SPDYE4: variants seen among roughly 807,000 people sequenced by gnomAD.
SPDYE4 encodes speedy protein E4.
A neutral mutation model predicts 37.5 loss-of-function variants in SPDYE4; 30 were observed. The observed-to-expected ratio is 0.80, with a 90% CI of 0.60 to 1.09. The LOEUF (loss-of-function observed/expected upper bound fraction) is 1.09, where lower values mean the gene tolerates loss of function less well. Among genes scored for constraint, SPDYE4 ranks in the 50% least tolerant of loss-of-function variants. SPDYE4 has a pLI of 0.00. For synonymous variants in SPDYE4, 131 were observed against 120.3 expected (o/e 1.09, Z -0.58); for missense variants, 300 against 307.9 (o/e 0.97, Z 0.19).
chr17:8,752,314 A>G (rs575444520), intron 6 of SPDYE4, among the ~76,000 whole-genome samples, 77 bp from the exon 7 acceptor site: 2 of 152,292 alleles, frequency 1.3e-5, no homozygotes, highest in East Asian at 3.9e-4. Flanking sequence ...TCCCACATCA[A>G]TCCTAACTAG....
In SPDYE4 at chr17:8,753,604, G is replaced by A. The variant is rs151292250; in HGVS notation, c.486-115C>T. The A allele has an allele frequency of 1.8e-4, 224 of 1,252,630 alleles. 3 individuals are homozygous for A. In the East Asian group the frequency reaches 4.7e-3, roughly 26 times the overall value. 77.6% of individuals were successfully genotyped at this position (1,252,630 alleles called of 1,614,324 possible). On this transcript the variant is annotated intron_variant, in intron 4 of 6. Coordinates refer to ENST00000689094, the MANE Select transcript of SPDYE4 (RefSeq NM_001394956.1). ...CTTCCTCAGCTCAGCACCAACAGCC[G>A]CCCTGCAGAGAGCCCTGCCTTCCTC...
In SPDYE4 at chr17:8,758,538, T is replaced by C; in HGVS notation, c.-156A>G. ...AAGAGTAGTTCTGAGAAGTTGCTGT[T>C]GTCCACCTGAACTCCCAAGCAACCA... On this transcript the variant is annotated 5_prime_UTR_variant, in exon 1 of 7. Coordinates refer to ENST00000689094, the MANE Select transcript of SPDYE4 (RefSeq NM_001394956.1). 1 of 666,578 alleles carries C rather than the reference T, an allele frequency of 1.5e-6. No homozygotes were observed. The allele number at this position is 666,578 out of a possible 1,614,324, so 41.3% of individuals were successfully genotyped here. A position where few individuals can be genotyped will look rare whatever the true frequency, so the allele number is the denominator to read the frequency against.
chr17:8,756,461 G>T (rs1189787473), intron 2 of SPDYE4, 25 bp from the exon 3 acceptor site: 10 of 1,611,834 alleles, frequency 6.2e-6, no homozygotes, highest in Non-Finnish European at 6.8e-6. Flanking sequence ...CCTGTGTCAG[G>T]GTGAGAAGTG....
chr17:8,751,141 C>T lies in SPDYE4; in HGVS notation c.*1141G>A, dbSNP rs760939694. ...AACTACTCTAGGTCATAACAGTGCTCCCTTCAGCAGCACATGTAATAACAG... is the reference window on the plus strand; with the variant it reads ...AACTACTCTAGGTCATAACAGTGCTTCCTTCAGCAGCACATGTAATAACAG... On this transcript the variant is annotated 3_prime_UTR_variant, in exon 7 of 7. Coordinates refer to ENST00000689094, the MANE Select transcript of SPDYE4 (RefSeq NM_001394956.1). 4.6e-5 allele frequency among the ~76,000 whole-genome samples: 7 copies of T among 152,046 alleles called. No individual in the cohort carries two copies. Among genetic ancestry groups the T allele is most frequent in the Non-Finnish European group, 2.9e-5 (2 of 68,008 alleles).
At chr17:8,748,710 T>C (rs1470523273), downstream of SPDYE4, among the ~76,000 whole-genome samples, 2 of 152,244 alleles carry the variant, frequency 1.3e-5, no homozygotes, top group African/African-American at 4.8e-5. Context: ...TCATGTTTCA[T>C]GCGCATTTTA....
At chr17:8,756,504 G>A (rs972067065) in intron 2 of SPDYE4, 68 bp from the exon 3 acceptor site, 47 of 1,454,882 alleles carry the variant, frequency 3.2e-5, no homozygotes, top group Non-Finnish European at 4.2e-5. Context: ...GCAGAGCAGA[G>A]AGGAGAACTG....
In SPDYE4 at chr17:8,753,354, C is replaced by G. The variant is rs764250329; in HGVS notation, c.621G>C (p.Trp207Cys). 2 of 1,583,632 alleles carry G rather than the reference C, an allele frequency of 1.3e-6. No homozygotes were observed. Among genetic ancestry groups the G allele is most frequent in the Non-Finnish European group, 1.7e-6 (2 of 1,164,524 alleles). ...LRYQLLCSMRWRTWVSPEEME... is the reference protein window; with the variant it reads ...LRYQLLCSMRCRTWVSPEEME... ...TCTCCTCTGGGGAAACCCACGTCCT[C>G]CAGCGCATGGAACAGAGGAGCTGGT... The change falls in exon 5 of 7, where the codon TGG becomes TGC. Residue 207 changes from tryptophan (W) to cysteine (C), a missense_variant. Coordinates refer to ENST00000689094, the MANE Select transcript of SPDYE4 (RefSeq NM_001394956.1).
rs775048999 is a variant in SPDYE4, at chr17:8,755,621, G to A, written c.400-16C>T. 1.2e-6 allele frequency: 2 copies of A among 1,611,004 alleles called. No homozygotes were observed. Among genetic ancestry groups the A allele is most frequent in the South Asian group, 2.2e-5 (2 of 91,032 alleles). Reference sequence around the variant, plus strand: ...CCAGGAGATACTGATGGAGAGAAGGGAGTAGAGAGAGAGAAAGGTTGGTCA... The same window carrying A: ...CCAGGAGATACTGATGGAGAGAAGGAAGTAGAGAGAGAGAAAGGTTGGTCA... On this transcript the variant is annotated splice_polypyrimidine_tract_variant and intron_variant, in intron 3 of 6. Coordinates refer to ENST00000689094, the MANE Select transcript of SPDYE4 (RefSeq NM_001394956.1).
At position 8,751,190 on chromosome 17, in the gene SPDYE4, A is replaced by G. The variant is rs56910951; in HGVS notation, c.*1092T>C. ...AGATAAAAAGATTTAAAAATAAAACATTTAGGATAAAAAGAATCCTCTCTT... is the reference window on the plus strand; with the variant it reads ...AGATAAAAAGATTTAAAAATAAAACGTTTAGGATAAAAAGAATCCTCTCTT... On this transcript the variant is annotated 3_prime_UTR_variant, in exon 7 of 7. Transcript: ENST00000689094. 6.2e-3 allele frequency among the ~76,000 whole-genome samples: 949 copies of G among 152,342 alleles called. 11 individuals carry two copies. The highest frequency in any genetic ancestry group is 0.022 in the African/African-American group (918 of 41,574).
At chr17:8,748,418 A>G (rs1462499012), downstream of SPDYE4, among the ~76,000 whole-genome samples, 1 of 152,230 alleles carries the variant, frequency 6.6e-6, no homozygotes, top group African/African-American at 2.4e-5. Context: ...GGCCTCTAGA[A>G]CTATGAGAAA....
rs1029637808 is a variant in SPDYE4, at chr17:8,752,172, G to A, written c.*110C>T. ...CAGGAGGCTCCTCTCTCCCTTCCTG[G>A]TGTCTGGCATTAGCGTCGCGATAAA... is the stretch of plus-strand genomic sequence containing the variant. On this transcript the variant is annotated 3_prime_UTR_variant, in exon 7 of 7. Transcript: ENST00000689094. Among the ~76,000 whole-genome samples, 1 of 152,040 alleles carries A rather than the reference G, an allele frequency of 6.6e-6. No homozygotes were observed. The highest frequency in any genetic ancestry group is 2.4e-5 in the African/African-American group (1 of 41,384).
At position 8,757,371 on chromosome 17, in the gene SPDYE4, G is replaced by C. The variant is rs116851053; in HGVS notation, c.231C>G (p.Pro77=). ...GCGTCTCCACCACCCAGGTGTCCTC[G>C]GGCTCAGGGGCGCGCTCCAACTCCA... ...EELELERAPE[P]EDTWVVETLC... is the part of the protein sequence containing the mutation. The change falls in exon 2 of 7, where the codon CCC becomes CCG. Residue 77 remains proline (P), a synonymous_variant. Coordinates refer to ENST00000689094, the MANE Select transcript of SPDYE4 (RefSeq NM_001394956.1). 8 of 1,595,234 alleles carry C rather than the reference G, an allele frequency of 5.0e-6. No individual in the cohort carries two copies. In the East Asian group the frequency reaches 6.8e-5, roughly 14 times the overall value.
intron 4 of SPDYE4, 108 bp from the exon 5 acceptor site, chr17:8,753,597 A>G: frequency 4.5e-6 from 6 of 1,341,714 alleles, no homozygotes; most frequent in Non-Finnish European, 5.1e-6. Flanking sequence ...GCTCAGCACC[A>G]ACAGCCGCCC....
chr17:8,753,225 C>A (rs1344216306), intron 5 of SPDYE4, 28 bp from the exon 6 acceptor site: 1 of 1,613,958 alleles, frequency 6.2e-7, no homozygotes, highest in Admixed American at 1.7e-5. Flanking sequence ...ACTTGAGAAG[C>A]CAGGGATTCC....
chr17:8,752,572 G>T (rs2086735321), intron 6 of SPDYE4, among the ~76,000 whole-genome samples: 3 of 152,066 alleles, frequency 2.0e-5, no homozygotes, highest in African/African-American at 7.2e-5. Flanking sequence ...CCTTTATATT[G>T]CTTAAGATCT....
At chr17:8,758,224 C>T in intron 1 of SPDYE4, 50 bp downstream of exon 1, 1 of 1,420,136 alleles carries the variant, frequency 7.0e-7, no homozygotes, top group South Asian at 1.4e-5. Context: ...GGCCCCCTTC[C>T]CTCTCCTCAG....
downstream of SPDYE4, among the ~76,000 whole-genome samples, chr17:8,748,907 A>G (rs2086708077): frequency 1.3e-5 from 2 of 152,184 alleles, no homozygotes; most frequent in African/African-American, 2.4e-5. Flanking sequence ...AGGCTGACCA[A>G]TAGCCAGTCA....
chr17:8,753,281 A>AACCCCCCCCCC, intron 5 of SPDYE4, 40 bp downstream of exon 5: 1 of 388,128 alleles, frequency 2.6e-6, no homozygotes, highest in Non-Finnish European at 3.7e-6. Context: ...AGTCCACCCC[A>AACCCCCCCCCC]TCCCTCCCCA....
intron 1 of SPDYE4, among the ~76,000 whole-genome samples, chr17:8,758,016 C>T (rs950956005): frequency 2.6e-5 from 4 of 152,222 alleles, no homozygotes; most frequent in East Asian, 1.9e-4. Flanking sequence ...CTTCTGACCT[C>T]GTGATCCGTC....
Sources: allele counts gnomAD v4.1 joint callset (sites outside exome capture counted in the v4.1 genomes callset), GRCh38; gene constraint gnomAD v4.1.1; transcripts MANE v1.5; gene names NCBI Gene and HGNC (gene_info 2026-07-23, HGNC 2026-07-21).